DMRT1: variants seen among roughly 807,000 people sequenced by gnomAD.
DMRT1 encodes doublesex and mab-3 related transcription factor 1, also known as doublesex- and mab-3-related transcription factor 1.
Under a neutral mutation model 32.3 loss-of-function variants are expected in DMRT1, and 7 were observed. That is an observed-to-expected ratio of 0.22 (90% CI 0.12 to 0.41). The LOEUF is 0.41. Among genes scored for constraint, DMRT1 ranks in the 10% least tolerant of loss-of-function variants. The pLI, the probability that DMRT1 is intolerant of heterozygous loss-of-function variation, is 1.00. For synonymous variants in DMRT1, 278 were observed against 206.1 expected (o/e 1.35, Z -2.99); for missense variants, 625 against 500.5 (o/e 1.25, Z -2.37).
intron 2 of DMRT1, among the ~76,000 whole-genome samples, chr9:855,708 C>G (rs780048458): frequency 1.3e-5 from 2 of 152,232 alleles, no homozygotes; most frequent in African/African-American, 4.8e-5. Context: ...CTGCCTTGAC[C>G]TCCTGGGCTC....
At chr9:961,767 C>T (rs1026813642) in intron 4 of DMRT1, among the ~76,000 whole-genome samples, 3 of 152,256 alleles carry the variant, frequency 2.0e-5, no homozygotes, top group African/African-American at 7.2e-5. Flanking sequence ...GATTCTGATG[C>T]GTTCAAAAGC....
intron 2 of DMRT1, among the ~76,000 whole-genome samples, chr9:881,253 C>T (rs940859128): frequency 2.0e-5 from 3 of 152,154 alleles, no homozygotes; most frequent in African/African-American, 7.2e-5. Context: ...GGAAAATTTA[C>T]AAGACAAATG....
intron 4 of DMRT1, among the ~76,000 whole-genome samples, chr9:961,356 G>C (rs747281593): frequency 1.3e-5 from 2 of 152,184 alleles, no homozygotes; most frequent in Non-Finnish European, 2.9e-5. Context: ...CTTATTTGGA[G>C]ACATTGACAC....
chr9:963,929 T>C lies in DMRT1; in HGVS notation c.968-4056T>C, dbSNP rs1052105698. Among the ~76,000 whole-genome samples the C allele has an allele frequency of 6.6e-5, 10 of 152,250 alleles. 1 individual carries two copies. In the South Asian group the frequency reaches 8.3e-4, roughly 13 times the overall value. ...AAACTGAAGAGGCCAGCAATTTTGTTTGTCTGCCTTGGCAGTCAGCATCTA... is the reference window on the plus strand; with the variant it reads ...AAACTGAAGAGGCCAGCAATTTTGTCTGTCTGCCTTGGCAGTCAGCATCTA... On this transcript the variant is annotated intron_variant, in intron 4 of 4. Coordinates refer to ENST00000382276, the MANE Select transcript of DMRT1 (RefSeq NM_021951.3).
intron 4 of DMRT1, among the ~76,000 whole-genome samples, chr9:954,153 A>T (rs1466464516): frequency 3.3e-5 from 5 of 152,160 alleles, no homozygotes; most frequent in Admixed American, 3.3e-4. Context: ...TGGCATAATA[A>T]GCACGGGGAG....
At chr9:880,701 G>C (rs752699220) in intron 2 of DMRT1, among the ~76,000 whole-genome samples, 66 of 147,506 alleles carry the variant, frequency 4.5e-4, no homozygotes, top group Non-Finnish European at 8.6e-4. Flanking sequence ...ACTCCAACCT[G>C]GGCAACCAGC....
chr9:944,361 A>T (rs1440179760), intron 4 of DMRT1, among the ~76,000 whole-genome samples: 3 of 152,212 alleles, frequency 2.0e-5, no homozygotes, highest in Non-Finnish European at 4.4e-5. Flanking sequence ...GCTTAGTAGG[A>T]TTAGACTGTT....
intron 2 of DMRT1, among the ~76,000 whole-genome samples, chr9:886,053 C>G (rs1401993254): frequency 6.6e-6 from 1 of 152,206 alleles, no homozygotes; most frequent in Non-Finnish European, 1.5e-5. Context: ...TAAGAATTTT[C>G]AGCAGACTCA....
chr9:899,179 A>G (rs1270626947), intron 3 of DMRT1, among the ~76,000 whole-genome samples: 1 of 152,168 alleles, frequency 6.6e-6, no homozygotes, highest in Non-Finnish European at 1.5e-5. Context: ...AAAAAAAATC[A>G]ATATTTTAAA....
At position 917,649 on chromosome 9, in the gene DMRT1, G is replaced by C. The variant is rs535271481; in HGVS notation, c.967+742G>C. Among the ~76,000 whole-genome samples, 105 of 152,284 alleles carry C rather than the reference G, an allele frequency of 6.9e-4. 1 individual carries two copies. The highest frequency in any genetic ancestry group is 1.4e-3 in the Non-Finnish European group (92 of 68,020). Reference sequence around the variant, plus strand: ...GGGCAGTAGAGGGTGTCTTGGAAGAGAAACCAATCTAGAAGAATTTACTCT... The same window carrying C: ...GGGCAGTAGAGGGTGTCTTGGAAGACAAACCAATCTAGAAGAATTTACTCT... On this transcript the variant is annotated intron_variant, in intron 4 of 4. Transcript: ENST00000382276.
intron 3 of DMRT1, among the ~76,000 whole-genome samples, chr9:906,074 T>C (rs953369726): frequency 1.3e-5 from 2 of 151,924 alleles, no homozygotes; most frequent in African/African-American, 4.8e-5. Flanking sequence ...TCCAAATCCA[T>C]GTACTTTAGG....
chr9:932,188 A>G (rs765947080), intron 4 of DMRT1, among the ~76,000 whole-genome samples: 6 of 152,116 alleles, frequency 3.9e-5, no homozygotes, highest in Non-Finnish European at 8.8e-5. Flanking sequence ...TTTCATTTCT[A>G]CCTCTGAATT....
intron 2 of DMRT1, among the ~76,000 whole-genome samples, chr9:871,630 C>T (rs1216483217): frequency 9.1e-5 from 3 of 32,804 alleles, no homozygotes; most frequent in Middle Eastern, 0.015. Flanking sequence ...CGCGAGCCAC[C>T]GCGCCGGCTA....
At chr9:881,775 G>C (rs1017042518) in intron 2 of DMRT1, among the ~76,000 whole-genome samples, 2 of 152,236 alleles carry the variant, frequency 1.3e-5, no homozygotes, top group African/African-American at 4.8e-5. Flanking sequence ...TTGATGGATA[G>C]GAACTGTGTT....
At chr9:961,978 C>T (rs934286885) in intron 4 of DMRT1, among the ~76,000 whole-genome samples, 53 of 152,280 alleles carry the variant, frequency 3.5e-4, no homozygotes, top group African/African-American at 1.1e-3. Flanking sequence ...AAGTCTAGGT[C>T]GTGTTTATTT....
chr9:900,290 A>G (rs1342655598), intron 3 of DMRT1, among the ~76,000 whole-genome samples: 1 of 152,130 alleles, frequency 6.6e-6, no homozygotes, highest in African/African-American at 2.4e-5. Flanking sequence ...AAGGGTTGGG[A>G]AGGGCACTCA....
chr9:913,907 A>T (rs1441794866), intron 3 of DMRT1, among the ~76,000 whole-genome samples: 3 of 151,852 alleles, frequency 2.0e-5, no homozygotes, highest in Non-Finnish European at 4.4e-5. Flanking sequence ...AATTTTTTTT[A>T]AAGGGTTTCC....
chr9:843,039 C>T (rs976937462), intron 1 of DMRT1: 10 of 152,244 alleles, frequency 6.6e-5, no homozygotes, highest in African/African-American at 2.4e-4. Flanking sequence ...AAGGAATTCT[C>T]TCCGCTTTGG....
chr9:845,006 G>T (rs1838846760), intron 1 of DMRT1, among the ~76,000 whole-genome samples: 1 of 152,076 alleles, frequency 6.6e-6, no homozygotes, highest in African/African-American at 2.4e-5. Flanking sequence ...ACAGGCGTGA[G>T]CCACTGCGCC....
Sources: gnomAD v4.1 joint callset for allele counts (sites outside exome capture counted in the v4.1 genomes callset) on GRCh38, gnomAD v4.1.1 for gene constraint, MANE v1.5 for transcripts, NCBI Gene and HGNC (gene_info 2026-07-23, HGNC 2026-07-21) for gene names.